Variants in CUX1 observed in about 807,000 individuals in gnomAD.
CUX1 encodes cut like homeobox 1.
CUX1 carries 31 observed loss-of-function variants against 158.8 expected under a neutral mutation model. The observed-to-expected ratio is 0.20, with a 90% confidence interval of 0.15 to 0.26. The LOEUF (loss-of-function observed/expected upper bound fraction) is 0.26. CUX1 is among the 10% of genes least tolerant of loss of function. The pLI is 1.00. For synonymous variants in CUX1, 879 were observed against 862.1 expected (o/e 1.02, Z -0.34); for missense variants, 1,589 against 2,014.6 (o/e 0.79, Z 4.04).
chr7:102,256,493 G>A lies in CUX1; in HGVS notation c.*7451G>A. ...ACTCCCCCAGAGAACCAAGGCGTCT[G>A]GGGGATTGACTGGGGGGCAGAGGGG... On this transcript the variant is annotated 3_prime_UTR_variant, in exon 24 of 24. Transcript: ENST00000292535. 1.0e-6 allele frequency: 1 copy of A among 985,410 alleles called. No homozygotes were observed. Among genetic ancestry groups the A allele is most frequent in the Non-Finnish European group, 1.2e-6 (1 of 829,924 alleles). The allele number at this position is 985,410 out of a possible 1,614,324, so 61.0% of individuals were successfully genotyped here.
intron 11 of CUX1, among the ~76,000 whole-genome samples, chr7:102,180,336 A>C (rs574210053): frequency 2.8e-5 from 3 of 105,272 alleles, no homozygotes; most frequent in South Asian, 6.4e-4. Context: ...TTTTTTTTTG[A>C]AACGGAGTCT....
chr7:101,984,077 C>CCAAAAAAA (rs1185648555), intron 2 of CUX1, among the ~76,000 whole-genome samples: 1 of 16,768 alleles, frequency 6.0e-5, no homozygotes, highest in Non-Finnish European at 1.0e-4. Flanking sequence ...TGTCCCCCCC[C>CCAAAAAAA]AAAAAAAAAA....
intron 12 of CUX1, 35 bp from the exon 13 acceptor site, chr7:102,193,807 A>C: frequency 6.2e-7 from 1 of 1,607,786 alleles, no homozygotes; most frequent in South Asian, 1.1e-5. Context: ...GTCTCAAAAA[A>C]TAAATAAAAT....
chr7:102,000,405 G>T (rs190837738), intron 2 of CUX1, among the ~76,000 whole-genome samples: 1 of 152,186 alleles, frequency 6.6e-6, no homozygotes, highest in Non-Finnish European at 1.5e-5. Flanking sequence ...AAGTGCATGC[G>T]TCTGACCCAG....
intron 23 of CUX1, among the ~76,000 whole-genome samples, chr7:102,247,950 G>A (rs1291905881): frequency 1.3e-5 from 2 of 152,186 alleles, no homozygotes; most frequent in African/African-American, 2.4e-5. Context: ...GGCCAACATG[G>A]TGAAACCCCA....
At chr7:102,110,041 G>A (rs1830723021) in intron 6 of CUX1, among the ~76,000 whole-genome samples, 2 of 152,174 alleles carry the variant, frequency 1.3e-5, no homozygotes, top group Admixed American at 6.6e-5. Context: ...AGAGAAAAGT[G>A]AATAAGGGAC....
rs544947298 is a variant in CUX1 at position 102,036,874 on chromosome 7, C to T, written c.189+8729C>T. ...GGGGGGACTTTTCATGGTCCTCTGA[C>T]GATTGGCAAATCCTTATAGATTAAA... is the stretch of plus-strand genomic sequence containing the variant. On this transcript the variant is annotated intron_variant, in intron 3 of 23. Transcript: ENST00000292535. Among the ~76,000 whole-genome samples, 107 of 152,052 alleles carry T rather than the reference C, an allele frequency of 7.0e-4. 2 individuals are homozygous for T. In the South Asian group the frequency reaches 0.02, roughly 28 times the overall value.
At chr7:102,026,605 C>T (rs185450887) in intron 2 of CUX1, among the ~76,000 whole-genome samples, 18 of 151,036 alleles carry the variant, frequency 1.2e-4, no homozygotes, top group South Asian at 6.3e-4. Flanking sequence ...GGATCACCTA[C>T]GGTCAGGAGT....
At chr7:102,118,385 A>G (rs933683074) in intron 8 of CUX1, among the ~76,000 whole-genome samples, 11 of 152,130 alleles carry the variant, frequency 7.2e-5, no homozygotes, top group Admixed American at 2.0e-4. Flanking sequence ...AAAAAATACA[A>G]AAATTATCCT....
chr7:102,111,965 AGTT>A, intron 7 of CUX1, 191 bp downstream of exon 7: 1 of 572,118 alleles, frequency 1.7e-6, no homozygotes, highest in Admixed American at 3.1e-5. Context: ...ACTGACTTTG[AGTT>A]GTTAATGTAG....
At chr7:102,213,030 G>C (rs1554523574) in intron 20 of CUX1, among the ~76,000 whole-genome samples, 1 of 152,194 alleles carries the variant, frequency 6.6e-6, no homozygotes, top group Non-Finnish European at 1.5e-5. Context: ...ATTTAGTAGA[G>C]ACGGGGTTTC....
At position 102,155,529 on chromosome 7, in the gene CUX1, G is replaced by A. The variant is rs372517072; in HGVS notation, c.675-3031G>A. Among the ~76,000 whole-genome samples, 45 of 151,952 alleles carry A rather than the reference G, an allele frequency of 3.0e-4. 1 individual carries two copies. The East Asian group carries it at 3.1e-3, about 10-fold the overall frequency. On this transcript the variant is annotated intron_variant, in intron 8 of 23. Transcript: ENST00000292535. ...CCACTGCACTCTAGCCTGGGTGAGA[G>A]TGAGACCCTGTCTCAAAAAGAAAAA...
chr7:102,129,357 C>A (rs1373943084), intron 8 of CUX1, among the ~76,000 whole-genome samples: 2 of 149,944 alleles, frequency 1.3e-5, no homozygotes, highest in African/African-American at 2.5e-5. Context: ...CATTGCACAG[C>A]TGCAAATGCC....
At chr7:102,208,047 G>A (rs975739432) in intron 20 of CUX1, among the ~76,000 whole-genome samples, 1 of 152,072 alleles carries the variant, frequency 6.6e-6, no homozygotes, top group Admixed American at 6.6e-5. Flanking sequence ...AATTAGCCAG[G>A]TGTGATGGCA....
chr7:102,097,264 G>C (rs1428923051), intron 4 of CUX1, 100 bp from the exon 5 acceptor site: 3 of 1,417,630 alleles, frequency 2.1e-6, no homozygotes, highest in Non-Finnish European at 2.8e-6. Context: ...GGAGCCCCCG[G>C]AGCTGATGTC....
chr7:101,824,646 C>T (rs1793056949), intron 1 of CUX1: 1 of 152,222 alleles, frequency 6.6e-6, no homozygotes, highest in Non-Finnish European at 1.5e-5. Flanking sequence ...CCGGGTGTTA[C>T]CTGGAGCCCT....
At chr7:102,241,391 C>T (rs1563473972) in intron 23 of CUX1, among the ~76,000 whole-genome samples, 1 of 152,170 alleles carries the variant, frequency 6.6e-6, no homozygotes, top group South Asian at 2.1e-4. Flanking sequence ...CCCTAGGGCA[C>T]GATAACATTG....
intron 4 of CUX1, among the ~76,000 whole-genome samples, chr7:102,086,764 T>G (rs368723025): frequency 6.6e-6 from 1 of 152,108 alleles, no homozygotes; most frequent in Admixed American, 6.6e-5. Flanking sequence ...ATTTTGGATT[T>G]TTCTTTTTTC....
At chr7:101,923,047 G>C (rs1646326798) in intron 2 of CUX1, among the ~76,000 whole-genome samples, 1 of 152,264 alleles carries the variant, frequency 6.6e-6, no homozygotes, top group African/African-American at 2.4e-5. Context: ...CCGCGTGTGT[G>C]ATTCCAGAGT....
Sources: allele counts gnomAD v4.1 joint callset (sites outside exome capture counted in the v4.1 genomes callset), GRCh38; gene constraint gnomAD v4.1.1; transcripts MANE v1.5; gene names NCBI Gene and HGNC (gene_info 2026-07-23, HGNC 2026-07-21).